Variants in ATXN7L1 observed in about 807,000 individuals in gnomAD.
The protein encoded by ATXN7L1 is ataxin 7 like 1.
ATXN7L1 carries 15 observed loss-of-function variants against 70.8 expected under a neutral mutation model. That is an observed-to-expected ratio of 0.21 (90% confidence interval 0.14 to 0.33). The LOEUF (loss-of-function observed/expected upper bound fraction) is 0.33, where lower values mean the gene tolerates loss of function less well. Ranked by LOEUF, ATXN7L1 falls within the 10% of genes least tolerant of loss-of-function variation. ATXN7L1 has a pLI of 1.00. For synonymous variants in ATXN7L1, 440 were observed against 445.1 expected (o/e 0.99, Z 0.14); for missense variants, 975 against 1,097.1 (o/e 0.89, Z 1.57).
At chr7:105,678,286 G>A (rs1045809855) in intron 3 of ATXN7L1, among the ~76,000 whole-genome samples, 38 of 152,212 alleles carry the variant, frequency 2.5e-4, no homozygotes, top group African/African-American at 9.1e-4. Flanking sequence ...CCAGTCACTC[G>A]CTTGTGGCAT....
chr7:105,790,308 G>A (rs544347368), intron 2 of ATXN7L1, among the ~76,000 whole-genome samples: 87 of 152,288 alleles, frequency 5.7e-4, no homozygotes, highest in Admixed American at 2.6e-3. Flanking sequence ...TAGAGTATGT[G>A]AATTATATCT....
chr7:105,658,237 C>A (rs1801003811), intron 4 of ATXN7L1, among the ~76,000 whole-genome samples: 1 of 150,490 alleles, frequency 6.6e-6, no homozygotes, highest in Non-Finnish European at 1.5e-5. Context: ...AAAAAGTGAC[C>A]AGTTCCACTT....
intron 2 of ATXN7L1, among the ~76,000 whole-genome samples, chr7:105,789,727 G>A (rs963004972): frequency 6.6e-6 from 1 of 152,132 alleles, no homozygotes; most frequent in Non-Finnish European, 1.5e-5. Context: ...ATGCCCAGGT[G>A]AGGATTTTGA....
In ATXN7L1 at chr7:105,649,140, C is replaced by T. The variant is rs991340159; in HGVS notation, c.579-6019G>A. ...ACAATTAGTTGCATTTATCAACTCA[C>T]GATTGTCCTTTCTTTGTGGAGCAGT... On this transcript the variant is annotated intron_variant, in intron 4 of 11. Coordinates refer to ENST00000419735, the MANE Select transcript of ATXN7L1 (RefSeq NM_020725.2). Among the ~76,000 whole-genome samples the T allele has an allele frequency of 3.3e-5, 5 of 152,208 alleles. No homozygotes were observed. In the South Asian group the frequency reaches 8.3e-4, roughly 25 times the overall value.
At chr7:105,693,211 A>G (rs553270135) in intron 3 of ATXN7L1, among the ~76,000 whole-genome samples, 118 of 151,408 alleles carry the variant, frequency 7.8e-4, no homozygotes, top group African/African-American at 2.7e-3. Flanking sequence ...TGTTTTAAAT[A>G]GAGACAAGGT....
intron 3 of ATXN7L1, among the ~76,000 whole-genome samples, chr7:105,753,992 C>T (rs1799493351): frequency 1.3e-5 from 2 of 152,174 alleles, no homozygotes; most frequent in Admixed American, 1.3e-4. Flanking sequence ...CCATTTTAAT[C>T]CTTCTCGGTC....
chr7:105,846,448 T>TA (rs1288070974), intron 2 of ATXN7L1, among the ~76,000 whole-genome samples: 1 of 152,122 alleles, frequency 6.6e-6, no homozygotes, highest in Non-Finnish European at 1.5e-5. Context: ...ATGGCCATGA[T>TA]AAAAAAGACT....
At chr7:105,863,478 C>T (rs1273158023) in intron 2 of ATXN7L1, among the ~76,000 whole-genome samples, 1 of 152,256 alleles carries the variant, frequency 6.6e-6, no homozygotes, top group African/African-American at 2.4e-5. Context: ...CCAGGTGCAA[C>T]ACTTAAGGGG....
intron 11 of ATXN7L1, among the ~76,000 whole-genome samples, chr7:105,608,485 T>C (rs527686664): frequency 7.9e-5 from 12 of 152,150 alleles, no homozygotes; most frequent in Non-Finnish European, 1.8e-4. Context: ...CCATTTGTGT[T>C]TGTCAGGGCT....
Position 105,631,102 on chromosome 7 carries a change from C to T in ATXN7L1, c.1203-6835G>A, listed in dbSNP as rs146164555. 3.2e-3 allele frequency among the ~76,000 whole-genome samples: 490 copies of T among 152,224 alleles called. 2 individuals are homozygous for T. The highest frequency in any genetic ancestry group is 5.4e-3 in the Non-Finnish European group (366 of 68,004). On this transcript the variant is annotated intron_variant, in intron 7 of 11. Transcript: ENST00000419735. ...ATGGTTGGGGGCTGGTGCTCCTCCA[C>T]CTCTGGACCTCATGTAGCATGCGGT... is the stretch of plus-strand genomic sequence containing the variant.
At chr7:105,752,511 A>G (rs1480774492) in intron 3 of ATXN7L1, among the ~76,000 whole-genome samples, 3 of 152,284 alleles carry the variant, frequency 2.0e-5, no homozygotes, top group Non-Finnish European at 4.4e-5. Flanking sequence ...CAGCCACCAC[A>G]CCACCCTCTG....
At chr7:105,868,432 T>C (rs1353444546) in intron 2 of ATXN7L1, among the ~76,000 whole-genome samples, 1 of 152,160 alleles carries the variant, frequency 6.6e-6, no homozygotes, top group Non-Finnish European at 1.5e-5. Context: ...CAGTTGAGCG[T>C]ATTAAAAACT....
At chr7:105,866,263 T>G (rs1013956125) in intron 2 of ATXN7L1, among the ~76,000 whole-genome samples, 2 of 152,214 alleles carry the variant, frequency 1.3e-5, no homozygotes, top group Non-Finnish European at 2.9e-5. Flanking sequence ...TCAAAGAGCC[T>G]GTCATCGACT....
At chr7:105,685,742 A>T (rs979585833) in intron 3 of ATXN7L1, among the ~76,000 whole-genome samples, 1 of 152,188 alleles carries the variant, frequency 6.6e-6, no homozygotes, top group Non-Finnish European at 1.5e-5. Context: ...ACCCCAGTCA[A>T]TCCCTGAGCT....
chr7:105,636,687 G>C (rs185156671), intron 7 of ATXN7L1, among the ~76,000 whole-genome samples: 5 of 152,200 alleles, frequency 3.3e-5, no homozygotes, highest in Admixed American at 2.6e-4. Context: ...GGTGAGAAGT[G>C]CCTCCATCAG....
chr7:105,735,073 C>T (rs561752816), intron 3 of ATXN7L1, among the ~76,000 whole-genome samples: 2 of 152,342 alleles, frequency 1.3e-5, no homozygotes, highest in South Asian at 4.1e-4. Context: ...CACTTCTCCT[C>T]TGTGCATTCT....
intron 3 of ATXN7L1, among the ~76,000 whole-genome samples, chr7:105,772,152 C>T (rs1017528767): frequency 7.0e-6 from 1 of 141,860 alleles, no homozygotes; most frequent in Admixed American, 7.5e-5. Flanking sequence ...CGGCTTACTG[C>T]AACCTCTGCC....
chr7:105,724,272 T>G (rs1797629087), intron 3 of ATXN7L1, among the ~76,000 whole-genome samples: 2 of 152,164 alleles, frequency 1.3e-5, no homozygotes, highest in Admixed American at 1.3e-4. Flanking sequence ...TGCTGCTGTT[T>G]AATCAGAAAT....
intron 3 of ATXN7L1, among the ~76,000 whole-genome samples, chr7:105,665,791 C>T (rs934106209): frequency 2.0e-5 from 3 of 152,176 alleles, no homozygotes; most frequent in Non-Finnish European, 4.4e-5. Context: ...ACTTTGCAAG[C>T]GAGGAAGTGG....
Sources: gnomAD v4.1 joint callset for allele counts (sites outside exome capture counted in the v4.1 genomes callset) on GRCh38, gnomAD v4.1.1 for gene constraint, MANE v1.5 for transcripts, NCBI Gene and HGNC (gene_info 2026-07-23, HGNC 2026-07-21) for gene names.